PAK4: variants seen among roughly 807,000 people sequenced by gnomAD.
PAK4 encodes the protein p21 (RAC1) activated kinase 4.
PAK4 carries 49 observed loss-of-function variants against 53.5 expected under a neutral mutation model. The ratio of observed to expected loss-of-function variants is 0.92; its 90% CI spans 0.73 to 1.16. The LOEUF (loss-of-function observed/expected upper bound fraction) is 1.16. Among genes scored for constraint, PAK4 ranks in the 50% most tolerant of loss-of-function variants. PAK4 has a pLI of 0.00. For synonymous variants in PAK4, 376 were observed against 375.6 expected, an observed-to-expected ratio of 1.00 and a Z score of -0.01; for missense variants, 824 against 850.7, an observed-to-expected ratio of 0.97 and a Z score of 0.39.
intron 1 of PAK4, among the ~76,000 whole-genome samples, chr19:39,135,490 C>T (rs970442084): frequency 1.3e-4 from 19 of 151,972 alleles, no homozygotes; most frequent in African/African-American, 4.1e-4. Flanking sequence ...CATGTGCCAC[C>T]ACGCACGGCT....
chr19:39,148,601 C>T (rs1447211615), intron 1 of PAK4, among the ~76,000 whole-genome samples: 8 of 148,870 alleles, frequency 5.4e-5, no homozygotes, highest in Non-Finnish European at 1.0e-4. Context: ...ACTAGGGAGG[C>T]GCCCACCACC....
chr19:39,154,069 GTCAT>G (rs373698384), intron 1 of PAK4, among the ~76,000 whole-genome samples: 47 of 152,270 alleles, frequency 3.1e-4, no homozygotes, highest in African/African-American at 9.9e-4. Flanking sequence ...TGTAGCTGTA[GTCAT>G]TCATTCATTC....
chr19:39,165,216 A>T (rs2074351578), intron 1 of PAK4, among the ~76,000 whole-genome samples: 1 of 149,288 alleles, frequency 6.7e-6, no homozygotes, highest in Non-Finnish European at 1.5e-5. Flanking sequence ...TAATAATAAT[A>T]ATAAGGCCGG....
At chr19:39,166,176 G>C in intron 1 of PAK4, among the ~76,000 whole-genome samples, 1 of 152,256 alleles carries the variant, frequency 6.6e-6, no homozygotes, top group East Asian at 1.9e-4. Flanking sequence ...ACTCCAGGAA[G>C]GCCAGGCGCA....
chr19:39,168,150 A>G (rs569935321), intron 1 of PAK4, 80 bp from the exon 2 acceptor site: 2 of 152,390 alleles, frequency 1.3e-5, no homozygotes, highest in South Asian at 4.1e-4. Context: ...CAGTGGCCAC[A>G]GAGGAGGCCC....
intron 1 of PAK4, among the ~76,000 whole-genome samples, chr19:39,136,060 C>CGTCACCCTTCTTCCTT (rs1568498146): frequency 7.7e-6 from 1 of 130,208 alleles, no homozygotes; most frequent in African/African-American, 2.8e-5. Flanking sequence ...ACCTCTTCCT[C>CGTCACCCTTCTTCCTT]GTCACCCTTC....
chr19:39,172,843 CCCTG>C, intron 2 of PAK4, 71 bp from the exon 4 acceptor site: 1 of 1,236,276 alleles, frequency 8.1e-7, no homozygotes, highest in South Asian at 1.5e-5. Flanking sequence ...GCTGTCCTGT[CCCTG>C]CGTGTCGGAT....
rs146517848 is a variant in PAK4 at position 39,175,049 on chromosome 19, T to C, written c.1217T>C (p.Ile406Thr). The change falls in exon 5 of 9, where the codon ATC (isoleucine) becomes ACC (threonine). Residue 406 changes from isoleucine (I) to threonine (T), a missense_variant. Around this residue, in one of 2 missense-constraint regions of PAK4, gnomAD observed 346 missense variants for 415.0 expected, o/e 0.83. Transcript: ENST00000358301. This position sits in a 1 kb window ranked among gnomAD's most constrained non-coding sequence, Gnocchi z 4.7. ...CTGGAAGGAGGCGCCCTCACCGACA[T>C]CGTCACCCACACCAGGTATTTCTGG... is the stretch of plus-strand genomic sequence containing the variant. 829 of 1,611,630 alleles carry C rather than the reference T, an allele frequency of 5.1e-4. 1 individual carries two copies. Among genetic ancestry groups the C allele is most frequent in the Non-Finnish European group, 6.6e-4 (780 of 1,178,850 alleles).
chr19:39,179,240 C>T (rs2074673212), exon 9 of PAK4: 1 of 152,624 alleles, frequency 6.6e-6, no homozygotes, highest in African/African-American at 2.4e-5. Context: ...CATTTTATAA[C>T]ACTCTAGCCC....
At chr19:39,140,638 G>T (rs1219412768) in intron 1 of PAK4, among the ~76,000 whole-genome samples, 1 of 152,160 alleles carries the variant, frequency 6.6e-6, no homozygotes, top group Non-Finnish European at 1.5e-5. Context: ...GACTAGGGGG[G>T]ACTGATAGCT....
chr19:39,181,914 T>TCA (rs34725740), downstream of PAK4: 46,021 of 152,044 alleles, frequency 0.3, 7,591 homozygotes, highest in Middle Eastern at 0.39. Flanking sequence ...CCAGCGGTTC[T>TCA]CACAGTGTGG....
intron 1 of PAK4, among the ~76,000 whole-genome samples, chr19:39,148,663 G>A (rs1423150391): frequency 1.3e-5 from 2 of 150,340 alleles, no homozygotes; most frequent in East Asian, 3.9e-4. Flanking sequence ...CACCATATTG[G>A]CCAAGCTGGT....
intron 1 of PAK4, among the ~76,000 whole-genome samples, chr19:39,159,640 G>A (rs1007123731): frequency 6.6e-6 from 1 of 152,106 alleles, no homozygotes; most frequent in African/African-American, 2.4e-5. Flanking sequence ...CACCTGCCTC[G>A]GCCTCCCAAA....
rs114542350 is a variant in PAK4, at chr19:39,178,332, G to A, written c.1621-92G>A. On this transcript the variant is annotated intron_variant, in intron 8 of 8. Transcript: ENST00000358301. This position sits in a 1 kb window ranked among gnomAD's most constrained non-coding sequence, Gnocchi z 4.4. The stretch of plus-strand genomic sequence containing the variant: ...CCTGCCCTCCTGCACAGTACATGCC[G>A]CCAGCCGACTTGGCAGAGGCGGACA... The A allele has an allele frequency of 1.1e-3, 1,597 of 1,421,684 alleles. 12 individuals carry two copies. The African/African-American group carries it at 0.016, about 14-fold the overall frequency. 88.1% of individuals were successfully genotyped at this position (1,421,684 alleles called of 1,614,324 possible).
intron 1 of PAK4, among the ~76,000 whole-genome samples, chr19:39,154,580 A>G (rs1213739968): frequency 6.6e-6 from 1 of 152,206 alleles, no homozygotes; most frequent in Non-Finnish European, 1.5e-5. Context: ...GAGAGAAGGA[A>G]AAGAAGGAAA....
At chr19:39,174,035 C>T (rs755848105) in intron 4 of PAK4, 25 bp downstream of exon 5, 1 of 1,467,560 alleles carries the variant, frequency 6.8e-7, no homozygotes, top group Non-Finnish European at 9.2e-7. Flanking sequence ...GCCCTGCCGC[C>T]CTGCTGGTCC....
chr19:39,165,818 C>T (rs964274086), intron 1 of PAK4, among the ~76,000 whole-genome samples: 5 of 152,280 alleles, frequency 3.3e-5, no homozygotes, highest in East Asian at 3.9e-4. Context: ...ACAGCAGGGC[C>T]GGAACCCGCG....
chr19:39,126,553 C>T (rs1378906015), intron 1 of PAK4, among the ~76,000 whole-genome samples: 3 of 151,900 alleles, frequency 2.0e-5, no homozygotes, highest in East Asian at 1.9e-4. Context: ...TGGGCTAGAC[C>T]CTCTTTTTAA....
intron 1 of PAK4, among the ~76,000 whole-genome samples, chr19:39,128,377 A>G (rs1489328375): frequency 6.6e-6 from 1 of 151,926 alleles, no homozygotes; most frequent in Non-Finnish European, 1.5e-5. Flanking sequence ...CCCCATCCCT[A>G]CCTGGCTCTG....
Sources: allele counts gnomAD v4.1 joint callset (sites outside exome capture counted in the v4.1 genomes callset), GRCh38; gene constraint gnomAD v4.1.1; regional missense constraint gnomAD v4.1.1; non-coding constraint Gnocchi (gnomAD v3.1); transcripts MANE v1.5; gene names NCBI Gene and HGNC (gene_info 2026-07-23, HGNC 2026-07-21).